The following ZNRF3 variants were observed in gnomAD, a reference collection of about 807,000 sequenced individuals.
ZNRF3 encodes the protein zinc and ring finger 3.
ZNRF3 carries 23 observed loss-of-function variants against 72.5 expected under a neutral mutation model. The ratio of observed to expected loss-of-function variants is 0.32; its 90% CI spans 0.23 to 0.45. ZNRF3 has a LOEUF of 0.45. ZNRF3 is among the 20% of genes least tolerant of loss of function. The probability of loss-of-function intolerance (pLI) is 1.00; values close to 1 mark genes in which losing one functional copy is unlikely to be tolerated. For missense variants in ZNRF3, 1,169 were observed against 1,272.1 expected (o/e 0.92, Z 1.23); for synonymous variants, 610 against 545.3 (o/e 1.12, Z -1.65).
intron 1 of ZNRF3, among the ~76,000 whole-genome samples, chr22:28,967,882 C>T (rs996511621): frequency 1.4e-5 from 2 of 147,838 alleles, no homozygotes; most frequent in Admixed American, 6.8e-5. Context: ...GCTGAGGTCG[C>T]ACCACTACAC....
chr22:29,006,910 T>C (rs1479484750), intron 2 of ZNRF3, among the ~76,000 whole-genome samples: 1 of 152,220 alleles, frequency 6.6e-6, no homozygotes, highest in Non-Finnish European at 1.5e-5. Context: ...TGTTAGAACA[T>C]GCATACACAG....
intron 1 of ZNRF3, among the ~76,000 whole-genome samples, chr22:28,951,873 A>C (rs2035167400): frequency 6.6e-6 from 1 of 152,210 alleles, no homozygotes; most frequent in South Asian, 2.1e-4. Context: ...GAGATGGTTT[A>C]GGGACTCAGA....
chr22:28,883,880 G>C lies in ZNRF3; in HGVS notation c.114G>C (p.Pro38=). 1 of 1,031,138 alleles carries C rather than the reference G, an allele frequency of 9.7e-7. No homozygotes were observed. Among genetic ancestry groups the C allele is most frequent in the South Asian group, 4.0e-5 (1 of 24,736 alleles). The allele number at this position is 1,031,138 out of a possible 1,614,324, so 63.9% of individuals were successfully genotyped here. The stretch of plus-strand genomic sequence containing the variant: ...GCCTGCCGCCGCCGCCGCCGCTGCC[G>C]CTGCTGCTCGGGCTGCTGCTGGCGG... The part of the protein sequence containing the change: ...CSRLPPPPPL[P]LLLGLLLAAA... Residue 38 remains proline (P), a synonymous_variant, in exon 1 of 9, where the codon CCG becomes CCC. Coordinates refer to ENST00000544604, the MANE Select transcript of ZNRF3 (RefSeq NM_001206998.2). This position sits in a 1 kb window ranked among gnomAD's most constrained non-coding sequence, Gnocchi z 5.5.
intron 1 of ZNRF3, among the ~76,000 whole-genome samples, chr22:28,946,597 C>A (rs2035056056): frequency 6.6e-6 from 1 of 152,096 alleles, no homozygotes; most frequent in Non-Finnish European, 1.5e-5. Context: ...GACTTGGGAG[C>A]TTTCTGTTTG....
At chr22:28,929,930 G>A (rs2034675030) in intron 1 of ZNRF3, among the ~76,000 whole-genome samples, 1 of 152,092 alleles carries the variant, frequency 6.6e-6, no homozygotes, top group Non-Finnish European at 1.5e-5. Flanking sequence ...CAGCCTTGAT[G>A]TATCGTTTAA....
intron 1 of ZNRF3, among the ~76,000 whole-genome samples, chr22:28,979,786 G>C (rs968320457): frequency 2.0e-5 from 3 of 152,210 alleles, no homozygotes; most frequent in African/African-American, 7.2e-5. Flanking sequence ...TCTGTGTAGG[G>C]TGAAAGGGGA....
At chr22:28,916,905 T>G (rs2034416563) in intron 1 of ZNRF3, among the ~76,000 whole-genome samples, 1 of 152,200 alleles carries the variant, frequency 6.6e-6, no homozygotes, top group Non-Finnish European at 1.5e-5. Context: ...TCTTTGAAGA[T>G]GCTTTGACTA....
At position 28,987,072 on chromosome 22, in the gene ZNRF3, C is replaced by T. The variant is rs1283522342; in HGVS notation, c.301-4C>T. ...TGAAGTTTTCTTTCCATTTTATTTC[C>T]TAGATGCACCCACTGGGCCTATGTA... On this transcript the variant is annotated splice_polypyrimidine_tract_variant and splice_region_variant and intron_variant, in intron 1 of 8. Transcript: ENST00000544604. The T allele has an allele frequency of 1.2e-6, 2 of 1,606,448 alleles. No individual in the cohort carries two copies. The highest frequency in any genetic ancestry group is 8.5e-7 in the Non-Finnish European group (1 of 1,177,198).
At chr22:29,042,081 TG>T (rs2036973051) in intron 2 of ZNRF3, among the ~76,000 whole-genome samples, 1 of 152,198 alleles carries the variant, frequency 6.6e-6, no homozygotes, top group African/African-American at 2.4e-5. Flanking sequence ...TCTGACCTCA[TG>T]ATTACCATAC....
chr22:28,979,901 G>A (rs908014465), intron 1 of ZNRF3, among the ~76,000 whole-genome samples: 1 of 152,204 alleles, frequency 6.6e-6, no homozygotes, highest in Admixed American at 6.5e-5. Flanking sequence ...AAAAGTATTA[G>A]TTCATTCAAG....
intron 1 of ZNRF3, among the ~76,000 whole-genome samples, chr22:28,953,164 C>CA (rs1335847438): frequency 6.6e-6 from 1 of 152,176 alleles, no homozygotes; most frequent in Non-Finnish European, 1.5e-5. Flanking sequence ...AGGCAGCGTG[C>CA]AGTGCTATGT....
At chr22:28,941,426 G>A (rs1383013834) in intron 1 of ZNRF3, among the ~76,000 whole-genome samples, 1 of 152,134 alleles carries the variant, frequency 6.6e-6, no homozygotes, top group African/African-American at 2.4e-5. Flanking sequence ...TTACCAAACT[G>A]ATAAAATAAG....
chr22:29,030,390 A>G lies in ZNRF3; in HGVS notation c.427-12105A>G, dbSNP rs1274927981. ...AGGAGAAATTAAGTGGGGCTGCTAC[A>G]TATTTTGAGAATAAGTAACACTATT... On this transcript the variant is annotated intron_variant, in intron 2 of 8. Coordinates refer to ENST00000544604, the MANE Select transcript of ZNRF3 (RefSeq NM_001206998.2). This position sits in a 1 kb window ranked among gnomAD's most constrained non-coding sequence, Gnocchi z 4.2. Among the ~76,000 whole-genome samples the G allele has an allele frequency of 6.6e-6, 1 of 152,204 alleles. No individual in the cohort carries two copies. Among genetic ancestry groups the G allele is most frequent in the East Asian group, 1.9e-4 (1 of 5,188 alleles).
At chr22:28,951,888 G>T (rs2035167932) in intron 1 of ZNRF3, among the ~76,000 whole-genome samples, 1 of 152,204 alleles carries the variant, frequency 6.6e-6, no homozygotes, top group African/African-American at 2.4e-5. Flanking sequence ...CTCAGAGATA[G>T]GCGACTCCAT....
At chr22:28,910,450 T>G (rs999256270) in intron 1 of ZNRF3, among the ~76,000 whole-genome samples, 4 of 152,250 alleles carry the variant, frequency 2.6e-5, no homozygotes, top group Non-Finnish European at 4.4e-5. Flanking sequence ...GATGGTCCAC[T>G]TTGTTACCGA....
chr22:28,924,027 C>T (rs1417710725), intron 1 of ZNRF3, among the ~76,000 whole-genome samples: 7 of 152,256 alleles, frequency 4.6e-5, no homozygotes, highest in Non-Finnish European at 7.3e-5. Context: ...TCAAAGGCGC[C>T]GCGCACCGGG....
intron 1 of ZNRF3, among the ~76,000 whole-genome samples, chr22:28,938,506 A>G (rs2034882832): frequency 6.6e-6 from 1 of 152,180 alleles, no homozygotes. Flanking sequence ...AGTCTTACTC[A>G]TAGGTATCAT....
chr22:29,053,503 G>A (rs532528303), intron 8 of ZNRF3, 76 bp from the exon 9 acceptor site: 3 of 1,467,316 alleles, frequency 2.0e-6, no homozygotes, highest in African/African-American at 2.8e-5. Flanking sequence ...TGGGGACAGG[G>A]CCACCTGAGT....
At chr22:29,039,017 G>A (rs531898503) in intron 2 of ZNRF3, among the ~76,000 whole-genome samples, 10 of 151,746 alleles carry the variant, frequency 6.6e-5, no homozygotes, top group Non-Finnish European at 1.2e-4. Context: ...TGATACTCCC[G>A]CCTCAGCCTC....
Sources: gnomAD v4.1 joint callset for allele counts (sites outside exome capture counted in the v4.1 genomes callset) on GRCh38, gnomAD v4.1.1 for gene constraint, Gnocchi (gnomAD v3.1) non-coding constraint, MANE v1.5 for transcripts, NCBI Gene and HGNC (gene_info 2026-07-23, HGNC 2026-07-21) for gene names.